AGAP1: variants seen among roughly 807,000 people sequenced by gnomAD.
AGAP1 encodes the protein arf-GAP with GTPase, ANK repeat and PH domain-containing protein 1.
AGAP1 carries 29 observed loss-of-function variants against 105.3 expected under a neutral mutation model. The ratio of observed to expected loss-of-function variants is 0.28; its 90% CI spans 0.21 to 0.38. The LOEUF is 0.38. Ranked by LOEUF, AGAP1 falls within the 10% of genes least tolerant of loss-of-function variation. AGAP1 has a pLI of 1.00. For missense variants in AGAP1, 998 were observed against 1,165.1 expected (o/e 0.86, Z 2.09); for synonymous variants, 509 against 485.9 (o/e 1.05, Z -0.63).
At position 236,064,861 on chromosome 2, in the gene AGAP1, CAT is replaced by C. The variant is rs368223275; in HGVS notation, c.2114+15582_2114+15583del. Among the ~76,000 whole-genome samples the C allele has an allele frequency of 5.5e-3, 833 of 152,318 alleles. 2 individuals carry two copies. Among genetic ancestry groups the C allele is most frequent in the Middle Eastern group, 0.017 (5 of 294 alleles). ...TTGCCAAACTATACCTTTCTAAACA[CAT>C]AAAATGAAAACAAGAATAATCACCT... On this transcript the variant is annotated intron_variant, in intron 16 of 17. Coordinates refer to ENST00000304032, the MANE Select transcript of AGAP1 (RefSeq NM_001037131.3).
Position 236,012,145 on chromosome 2 carries a change from C to T in AGAP1, c.1646-24416C>T, listed in dbSNP as rs543246023. The stretch of plus-strand genomic sequence containing the variant: ...TTTTGCACATTAAAATGGATTATTT[C>T]ATCAATAGGTTAATAGAAAGCCGGG... On this transcript the variant is annotated intron_variant, in intron 13 of 17. Transcript: ENST00000304032. This position sits in a 1 kb window ranked among gnomAD's most constrained non-coding sequence, Gnocchi z 4.9. Among the ~76,000 whole-genome samples the T allele has an allele frequency of 6.6e-6, 1 of 152,114 alleles. No individual in the cohort carries two copies. Among genetic ancestry groups the T allele is most frequent in the African/African-American group, 2.4e-5 (1 of 41,414 alleles).
At chr2:236,102,417 CAAAAA>C (rs34989933) in intron 16 of AGAP1, among the ~76,000 whole-genome samples, 1 of 66,240 alleles carries the variant, frequency 1.5e-5, no homozygotes, top group Non-Finnish European at 2.8e-5. Context: ...GACTCCATCT[CAAAAA>C]AAAAAAAAAA....
chr2:235,813,859 T>C (rs1324231119), intron 9 of AGAP1, among the ~76,000 whole-genome samples: 1 of 152,202 alleles, frequency 6.6e-6, no homozygotes, highest in East Asian at 1.9e-4. Flanking sequence ...TGCCAGTAGT[T>C]CTCAGCAGAT....
At chr2:235,558,080 G>A (rs1341425996) in intron 1 of AGAP1, among the ~76,000 whole-genome samples, 1 of 152,190 alleles carries the variant, frequency 6.6e-6, no homozygotes, top group Non-Finnish European at 1.5e-5. Context: ...GGAGAAGCGG[G>A]ATGGCGAGTA....
At chr2:235,833,376 A>G (rs1258251616) in intron 9 of AGAP1, among the ~76,000 whole-genome samples, 2 of 152,240 alleles carry the variant, frequency 1.3e-5, no homozygotes, top group Admixed American at 1.3e-4. Flanking sequence ...GAAGATGTAC[A>G]TGGACAAAAA....
chr2:235,730,476 T>TAAAA (rs1399728207), intron 3 of AGAP1, among the ~76,000 whole-genome samples: 11 of 81,352 alleles, frequency 1.4e-4, no homozygotes, highest in Admixed American at 4.0e-4. Flanking sequence ...TGTTTACCTT[T>TAAAA]TAAAAAAAAA....
chr2:236,107,705 C>G (rs938609687), intron 16 of AGAP1, among the ~76,000 whole-genome samples: 3 of 152,216 alleles, frequency 2.0e-5, no homozygotes, highest in African/African-American at 7.2e-5. Flanking sequence ...GCTGTGCCAG[C>G]CTGCACAGGG....
Position 235,615,926 on chromosome 2 carries a change from G to A in AGAP1, c.164-93253G>A, listed in dbSNP as rs1162934349. On this transcript the variant is annotated intron_variant, in intron 1 of 17. Transcript: ENST00000304032. This position sits in a 1 kb window ranked among gnomAD's most constrained non-coding sequence, Gnocchi z 5.0. Reference sequence around the variant, plus strand: ...ACATATAGAGCATTGTCTTCTATATGTAAAGAGTTCTTATAAAACAATAAG... The same window carrying A: ...ACATATAGAGCATTGTCTTCTATATATAAAGAGTTCTTATAAAACAATAAG... Among the ~76,000 whole-genome samples the A allele has an allele frequency of 2.6e-5, 4 of 152,126 alleles. No homozygotes were observed. Among genetic ancestry groups the A allele is most frequent in the Non-Finnish European group, 5.9e-5 (4 of 68,020 alleles).
chr2:235,641,352 C>CTT (rs780704187), intron 1 of AGAP1, among the ~76,000 whole-genome samples: 7 of 137,278 alleles, frequency 5.1e-5, no homozygotes, highest in African/African-American at 1.3e-4. Flanking sequence ...TCCTTCCTTC[C>CTT]TTTTTTTTTT....
rs774423114 is a variant in AGAP1, at chr2:235,578,001, C to T, written c.163+83152C>T. Among the ~76,000 whole-genome samples the T allele has an allele frequency of 1.3e-5, 2 of 152,074 alleles. 1 individual carries two copies. Among genetic ancestry groups the T allele is most frequent in the East Asian group, 3.9e-4 (2 of 5,170 alleles). ...GCACCCGACACCATCCAGGTGCCTG[C>T]GTGTGCTGGTCCCGCCATCAGGACT... is the stretch of plus-strand genomic sequence containing the variant. On this transcript the variant is annotated intron_variant, in intron 1 of 17. Coordinates refer to ENST00000304032, the MANE Select transcript of AGAP1 (RefSeq NM_001037131.3). The surrounding 1 kb of genome is among the most constrained non-coding windows in gnomAD (Gnocchi z 4.9).
intron 16 of AGAP1, among the ~76,000 whole-genome samples, chr2:236,067,459 A>T (rs536020880): frequency 1.1e-3 from 161 of 152,326 alleles, no homozygotes; most frequent in African/African-American, 3.9e-3. Context: ...AATGAAAAAT[A>T]CTATGTCTAC....
At chr2:235,765,953 A>G (rs928665719) in intron 6 of AGAP1, among the ~76,000 whole-genome samples, 1 of 152,220 alleles carries the variant, frequency 6.6e-6, no homozygotes, top group Non-Finnish European at 1.5e-5. Context: ...GACCCCACCT[A>G]GCTCGACCCT....
rs1956779905 is a variant in AGAP1 at position 235,788,438 on chromosome 2, G to A, written c.674-9321G>A. ...AGGTTAGCTGAGTTTGAAAACTGGA[G>A]AAGGCATGGATGAGAGCAATGCTGA... On this transcript the variant is annotated intron_variant, in intron 6 of 17. Coordinates refer to ENST00000304032, the MANE Select transcript of AGAP1 (RefSeq NM_001037131.3). This position sits in a 1 kb window ranked among gnomAD's most constrained non-coding sequence, Gnocchi z 6.0. Among the ~76,000 whole-genome samples, 1 of 152,086 alleles carries A rather than the reference G, an allele frequency of 6.6e-6. No homozygotes were observed. The highest frequency in any genetic ancestry group is 1.5e-5 in the Non-Finnish European group (1 of 68,024).
intron 1 of AGAP1, among the ~76,000 whole-genome samples, chr2:235,516,797 G>A (rs934968459): frequency 6.6e-6 from 1 of 152,250 alleles, no homozygotes; most frequent in African/African-American, 2.4e-5. Flanking sequence ...TGGCGTCGCT[G>A]CCCAGTTTAG....
chr2:235,735,707 G>A (rs1426736281), intron 3 of AGAP1, among the ~76,000 whole-genome samples: 1 of 152,148 alleles, frequency 6.6e-6, no homozygotes, highest in East Asian at 1.9e-4. Context: ...TCTCTCTGCA[G>A]TGTGGGATTT....
chr2:235,907,270 G>A (rs960942363), intron 10 of AGAP1, among the ~76,000 whole-genome samples: 4 of 152,086 alleles, frequency 2.6e-5, no homozygotes, highest in South Asian at 2.1e-4. Flanking sequence ...ACCCTGCCTC[G>A]GTCCCTTGCA....
Position 235,612,714 on chromosome 2 carries a change from G to A in AGAP1, c.164-96465G>A, listed in dbSNP as rs149012789. On this transcript the variant is annotated intron_variant, in intron 1 of 17. Transcript: ENST00000304032. The surrounding 1 kb of genome is among the most constrained non-coding windows in gnomAD (Gnocchi z 4.3). ...TTGGGCACAGTGGTCCTTTTGCATGGGGTGGCCGGCCAGGTGTGCTGAGTG... is the reference window on the plus strand; with the variant it reads ...TTGGGCACAGTGGTCCTTTTGCATGAGGTGGCCGGCCAGGTGTGCTGAGTG... Among the ~76,000 whole-genome samples, 229 of 150,636 alleles carry A rather than the reference G, an allele frequency of 1.5e-3. 4 individuals carry two copies. Among genetic ancestry groups the A allele is most frequent in the South Asian group, 1.3e-3 (6 of 4,794 alleles).
At chr2:235,685,119 C>T (rs1949310388) in intron 1 of AGAP1, among the ~76,000 whole-genome samples, 1 of 152,088 alleles carries the variant, frequency 6.6e-6, no homozygotes, top group Non-Finnish European at 1.5e-5. Context: ...TCCTGGTGCC[C>T]AGAGGGTTCT....
intron 9 of AGAP1, among the ~76,000 whole-genome samples, chr2:235,846,590 A>C (rs1961523601): frequency 6.6e-6 from 1 of 151,698 alleles, no homozygotes; most frequent in Admixed American, 6.6e-5. Context: ...CTCAGCCTGT[A>C]AAAGTACTAG....
Sources: allele counts gnomAD v4.1 joint callset (sites outside exome capture counted in the v4.1 genomes callset), GRCh38; gene constraint gnomAD v4.1.1; non-coding constraint Gnocchi (gnomAD v3.1); transcripts MANE v1.5; gene names NCBI Gene and HGNC (gene_info 2026-07-23, HGNC 2026-07-21).